Variants in CNTNAP2 observed in about 807,000 individuals in gnomAD.
CNTNAP2 encodes contactin-associated protein-like 2.
Under a neutral mutation model 155.2 loss-of-function variants are expected in CNTNAP2, and 98 were observed. The observed-to-expected ratio is 0.63, with a 90% CI of 0.54 to 0.75. CNTNAP2 has a LOEUF of 0.75. Ranked by LOEUF, CNTNAP2 falls within the 30% of genes least tolerant of loss-of-function variation. The pLI is 0.00. For missense variants in CNTNAP2, 1,727 were observed against 1,688.1 expected (o/e 1.02, Z -0.40); for synonymous variants, 651 against 631.2 (o/e 1.03, Z -0.47).
intron 4 of CNTNAP2, among the ~76,000 whole-genome samples, chr7:147,095,332 A>G (rs1011789394): frequency 6.6e-6 from 1 of 151,500 alleles, no homozygotes; most frequent in African/African-American, 2.4e-5. Context: ...CACCGCACCC[A>G]GCCTCTGGGG....
At chr7:148,155,248 G>A (rs1313004999) in intron 17 of CNTNAP2, among the ~76,000 whole-genome samples, 2 of 152,142 alleles carry the variant, frequency 1.3e-5, no homozygotes, top group Non-Finnish European at 2.9e-5. Flanking sequence ...AAGACTCAGC[G>A]CTTTAATCAT....
chr7:147,773,653 A>C (rs1459225593), intron 13 of CNTNAP2, among the ~76,000 whole-genome samples: 1 of 152,084 alleles, frequency 6.6e-6, no homozygotes, highest in Non-Finnish European at 1.5e-5. Context: ...TTCAAGCCCT[A>C]ATCTCTTACC....
At chr7:146,250,226 G>T (rs1461935877) in intron 1 of CNTNAP2, among the ~76,000 whole-genome samples, 1 of 152,144 alleles carries the variant, frequency 6.6e-6, no homozygotes, top group Non-Finnish European at 1.5e-5. Flanking sequence ...GGCTTCTTAT[G>T]ATAATTGACT....
intron 3 of CNTNAP2, among the ~76,000 whole-genome samples, chr7:146,975,905 G>A (rs1797900769): frequency 2.6e-5 from 4 of 152,146 alleles, no homozygotes; most frequent in Non-Finnish European, 5.9e-5. Context: ...CCCAGGGAAG[G>A]ATGGGGAGAC....
rs1431375414 is a variant in CNTNAP2 at position 146,823,219 on chromosome 7, G to A, written c.209-16492G>A. ...CATTCTTCAGTATATTTAAATATGAGTATACTCATTCTTCAGTATATTTAA... is the reference window on the plus strand; with the variant it reads ...CATTCTTCAGTATATTTAAATATGAATATACTCATTCTTCAGTATATTTAA... On this transcript the variant is annotated intron_variant, in intron 2 of 23. Transcript: ENST00000361727. Among the ~76,000 whole-genome samples, 95 of 133,182 alleles carry A rather than the reference G, an allele frequency of 7.1e-4. 3 individuals are homozygous for A. The highest frequency in any genetic ancestry group is 2.3e-3 in the African/African-American group (78 of 34,428). The allele number at this position is 133,182 out of a possible 152,430, so 87.4% of individuals were successfully genotyped here. A position where few individuals can be genotyped will look rare whatever the true frequency, so the allele number is the denominator to read the frequency against.
chr7:147,299,456 A>T (rs1794901255), intron 8 of CNTNAP2, among the ~76,000 whole-genome samples: 2 of 150,580 alleles, frequency 1.3e-5, no homozygotes, highest in Non-Finnish European at 1.5e-5. Context: ...AATACCATGT[A>T]CTCCATTATA....
intron 1 of CNTNAP2, among the ~76,000 whole-genome samples, chr7:146,325,752 C>T (rs898466388): frequency 2.3e-4 from 35 of 151,960 alleles, no homozygotes; most frequent in Admixed American, 2.3e-3. Context: ...CCTACTTTCC[C>T]TGCTTAAGAC....
intron 1 of CNTNAP2, among the ~76,000 whole-genome samples, chr7:146,262,446 C>T (rs1361146393): frequency 6.6e-6 from 1 of 152,138 alleles, no homozygotes; most frequent in African/African-American, 2.4e-5. Flanking sequence ...TCCAGTTGAG[C>T]AAAGTCATAC....
At chr7:147,662,829 A>G (rs1485586725) in intron 13 of CNTNAP2, among the ~76,000 whole-genome samples, 2 of 152,254 alleles carry the variant, frequency 1.3e-5, no homozygotes, top group Admixed American at 1.3e-4. Context: ...TAGCAAATTA[A>G]TACAACCAAC....
rs114755338 is a variant in CNTNAP2 at position 148,047,237 on chromosome 7, A to C, written c.2383+69248A>C. 4.7e-3 allele frequency among the ~76,000 whole-genome samples: 711 copies of C among 152,272 alleles called. 5 individuals are homozygous for C. The highest frequency in any genetic ancestry group is 0.016 in the African/African-American group (676 of 41,540). On this transcript the variant is annotated intron_variant, in intron 15 of 23. Coordinates refer to ENST00000361727, the MANE Select transcript of CNTNAP2 (RefSeq NM_014141.6). ...ACACTGAATAAGTTAATACTGAACC[A>C]TTGCCCCTAGAGGGAATTCAGGGTT... is the stretch of plus-strand genomic sequence containing the variant.
intron 8 of CNTNAP2, among the ~76,000 whole-genome samples, chr7:147,147,818 A>G (rs1300696294): frequency 6.6e-6 from 1 of 152,188 alleles, no homozygotes; most frequent in African/African-American, 2.4e-5. Flanking sequence ...GCTACAAAAA[A>G]AAGTACCCAG....
intron 21 of CNTNAP2, among the ~76,000 whole-genome samples, chr7:148,282,629 CAT>C (rs1225538206): frequency 6.6e-6 from 1 of 152,054 alleles, no homozygotes; most frequent in African/African-American, 2.4e-5. Context: ...CTGGGTCACT[CAT>C]AAAAAGAACA....
intron 2 of CNTNAP2, among the ~76,000 whole-genome samples, chr7:146,832,175 G>A (rs1210082217): frequency 1.3e-5 from 2 of 152,188 alleles, no homozygotes; most frequent in South Asian, 4.1e-4. Flanking sequence ...GTTCATTTTA[G>A]CACTTATTAA....
intron 2 of CNTNAP2, among the ~76,000 whole-genome samples, chr7:146,819,749 G>A (rs544723377): frequency 4.1e-4 from 62 of 151,850 alleles, no homozygotes; most frequent in Non-Finnish European, 7.4e-4. Flanking sequence ...GTTTTTTTCC[G>A]TTTCAGGAAT....
chr7:148,001,248 C>T (rs1268978388), intron 15 of CNTNAP2, among the ~76,000 whole-genome samples: 2 of 152,224 alleles, frequency 1.3e-5, no homozygotes, highest in African/African-American at 2.4e-5. Context: ...ACAGGATCTA[C>T]TGGAAAGCTT....
intron 1 of CNTNAP2, among the ~76,000 whole-genome samples, chr7:146,202,715 T>C (rs1041233905): frequency 1.3e-5 from 2 of 152,116 alleles, no homozygotes; most frequent in African/African-American, 4.8e-5. Flanking sequence ...ATATTTATAA[T>C]AATATACAAA....
chr7:147,426,227 T>C (rs1797375837), intron 10 of CNTNAP2, among the ~76,000 whole-genome samples: 1 of 151,956 alleles, frequency 6.6e-6, no homozygotes, highest in Non-Finnish European at 1.5e-5. Flanking sequence ...AGAAATCTTA[T>C]CTGTAAATAT....
intron 4 of CNTNAP2, among the ~76,000 whole-genome samples, chr7:147,094,030 C>T (rs1304774392): frequency 2.0e-5 from 3 of 152,198 alleles, no homozygotes; most frequent in African/African-American, 4.8e-5. Context: ...CACCAGCTCA[C>T]GGCTCTTTCA....
intron 1 of CNTNAP2, among the ~76,000 whole-genome samples, chr7:146,439,794 T>C (rs1230748825): frequency 6.6e-6 from 1 of 151,560 alleles, no homozygotes; most frequent in Non-Finnish European, 1.5e-5. Context: ...AAAATTAGCA[T>C]ATTTTTCTGG....
Sources: allele counts gnomAD v4.1 joint callset (sites outside exome capture counted in the v4.1 genomes callset), GRCh38; gene constraint gnomAD v4.1.1; transcripts MANE v1.5; gene names NCBI Gene and HGNC (gene_info 2026-07-23, HGNC 2026-07-21).